The following CLNK variants were observed in gnomAD, a reference collection of about 807,000 sequenced individuals.
The protein encoded by CLNK is cytokine-dependent hematopoietic cell linker.
CLNK carries 74 observed loss-of-function variants against 68.6 expected under a neutral mutation model. The observed-to-expected ratio is 1.08, with a 90% CI of 0.89 to 1.31. The LOEUF (loss-of-function observed/expected upper bound fraction) is 1.31. Ranked by LOEUF, CLNK falls within the 50% of genes most tolerant of loss-of-function variation. CLNK has a pLI of 0.00. For missense variants in CLNK, 553 were observed against 515.3 expected, an observed-to-expected ratio of 1.07 and a Z score of -0.71; for synonymous variants, 198 against 172.2, an observed-to-expected ratio of 1.15 and a Z score of -1.17.
At chr4:10,516,520 A>G (rs1180086433) in intron 15 of CLNK, among the ~76,000 whole-genome samples, 3 of 151,750 alleles carry the variant, frequency 2.0e-5, no homozygotes, top group Admixed American at 2.0e-4. Context: ...ATACACTGGC[A>G]ATTTTATTCT....
At chr4:10,603,896 T>A (rs1721688348) in intron 2 of CLNK, among the ~76,000 whole-genome samples, 1 of 152,014 alleles carries the variant, frequency 6.6e-6, no homozygotes, top group Non-Finnish European at 1.5e-5. Flanking sequence ...ATTTAGTGAG[T>A]TTGAGGATCC....
At chr4:10,720,860 T>C in the CLNK span, among the ~76,000 whole-genome samples, 2 of 151,616 alleles carry the variant, frequency 1.3e-5, no homozygotes, top group African/African-American at 4.8e-5. Context: ...TGAAAGCTTA[T>C]GTTCACACAA....
intron 1 of CLNK, among the ~76,000 whole-genome samples, chr4:10,672,730 G>A (rs1055374567): frequency 1.3e-5 from 2 of 152,166 alleles, no homozygotes. Context: ...GCCCAGGTAT[G>A]GACATTGTCT....
At chr4:10,615,134 C>T (rs1389758541) in intron 2 of CLNK, among the ~76,000 whole-genome samples, 25 of 151,880 alleles carry the variant, frequency 1.6e-4, no homozygotes, top group Non-Finnish European at 2.9e-5. Context: ...CGGCAGTGAC[C>T]CGAGTTTGTG....
intron 12 of CLNK, among the ~76,000 whole-genome samples, chr4:10,530,716 C>T (rs1276345385): frequency 1.3e-5 from 2 of 152,168 alleles, no homozygotes; most frequent in East Asian, 1.9e-4. Flanking sequence ...TCATCGTCAT[C>T]GTGAGCAGCA....
the CLNK span, among the ~76,000 whole-genome samples, chr4:10,716,686 CT>C: frequency 5.2e-3 from 688 of 132,816 alleles, 2 homozygotes; most frequent in African/African-American, 9.6e-3. Context: ...AGACAGAAAA[CT>C]TTTTTTTTTT....
At chr4:10,623,842 C>T (rs1452320330) in intron 2 of CLNK, among the ~76,000 whole-genome samples, 1 of 152,216 alleles carries the variant, frequency 6.6e-6, no homozygotes, top group Admixed American at 6.5e-5. Flanking sequence ...AGAAAACCTT[C>T]TGTGGAACTC....
intron 18 of CLNK, among the ~76,000 whole-genome samples, chr4:10,497,737 A>C (rs1388836471): frequency 2.0e-5 from 3 of 152,352 alleles, no homozygotes; most frequent in African/African-American, 7.2e-5. Flanking sequence ...CCAGTAAATG[A>C]TGTTCATTAA....
At chr4:10,655,767 A>G (rs1187145339) in intron 2 of CLNK, among the ~76,000 whole-genome samples, 1 of 145,498 alleles carries the variant, frequency 6.9e-6, no homozygotes, top group Non-Finnish European at 1.5e-5. Context: ...CTCCTGCCTC[A>G]GCCTCCTGAG....
intron 2 of CLNK, among the ~76,000 whole-genome samples, chr4:10,655,968 A>G (rs1289645828): frequency 6.6e-6 from 1 of 151,970 alleles, no homozygotes; most frequent in Non-Finnish European, 1.5e-5. Context: ...TTTAATATAT[A>G]GAGCCGGGTA....
At chr4:10,718,376 A>C in the CLNK span, among the ~76,000 whole-genome samples, 1 of 152,202 alleles carries the variant, frequency 6.6e-6, no homozygotes, top group African/African-American at 2.4e-5. Context: ...AAGACAAAGA[A>C]AAAATCTTGA....
chr4:10,654,389 A>ATATATATATTTATATATTTATATT (rs1553863421), intron 2 of CLNK, among the ~76,000 whole-genome samples: 2 of 133,388 alleles, frequency 1.5e-5, no homozygotes, highest in East Asian at 2.1e-4. Context: ...GATTAAATAT[A>ATATATATATTTATATATTTATATT]TATATATATA....
At chr4:10,699,268 C>CACACACACCATGTATGTGTGTAT in the CLNK span, among the ~76,000 whole-genome samples, 5 of 32,418 alleles carry the variant, frequency 1.5e-4, 1 homozygote, top group African/African-American at 3.3e-4. Flanking sequence ...TGTGTATACA[C>CACACACACCATGTATGTGTGTAT]ACACACACAC....
In CLNK at chr4:10,567,200, C is replaced by T. The variant is rs527939165; in HGVS notation, c.151-1050G>A. Among the ~76,000 whole-genome samples, 29 of 149,674 alleles carry T rather than the reference C, an allele frequency of 1.9e-4. 1 individual carries two copies. Among genetic ancestry groups the T allele is most frequent in the Admixed American group, 1.6e-3 (24 of 15,068 alleles). On this transcript the variant is annotated intron_variant, in intron 5 of 18. Transcript: ENST00000226951. ...TATTTCAAAAGTTACTACATAGATGCAGTAATCAAGACAATGTGGTATTGG... is the reference window on the plus strand; with the variant it reads ...TATTTCAAAAGTTACTACATAGATGTAGTAATCAAGACAATGTGGTATTGG...
At chr4:10,659,560 A>C (rs921449920) in intron 2 of CLNK, among the ~76,000 whole-genome samples, 4 of 152,218 alleles carry the variant, frequency 2.6e-5, no homozygotes, top group Admixed American at 2.6e-4. Flanking sequence ...TGACTTTATC[A>C]TCTCCTTTCA....
chr4:10,657,767 G>A (rs1388322878), intron 2 of CLNK, among the ~76,000 whole-genome samples: 2 of 152,196 alleles, frequency 1.3e-5, no homozygotes, highest in Admixed American at 6.5e-5. Context: ...AAAATTGTCA[G>A]CCAGATTCAG....
In CLNK at chr4:10,628,621, C is replaced by T. The variant is rs75538801; in HGVS notation, c.12-30572G>A. On this transcript the variant is annotated intron_variant, in intron 2 of 18. Coordinates refer to ENST00000226951, the MANE Select transcript of CLNK (RefSeq NM_052964.4). Reference sequence around the variant, plus strand: ...GGGCTCAACTTCTCATTCCCTGGGACGAACTGTGCACAGTAGCCTCTGCTC... The same window carrying T: ...GGGCTCAACTTCTCATTCCCTGGGATGAACTGTGCACAGTAGCCTCTGCTC... 2.4e-3 allele frequency among the ~76,000 whole-genome samples: 358 copies of T among 152,266 alleles called. 4 individuals carry two copies. The East Asian group carries it at 0.059, about 25-fold the overall frequency.
At position 10,540,738 on chromosome 4, in the gene CLNK, C is replaced by A; in HGVS notation, c.492-134G>T. 6.3e-6 allele frequency: 4 copies of A among 637,182 alleles called. No individual in the cohort carries two copies. In the East Asian group the frequency reaches 8.2e-5, roughly 13 times the overall value. 39.5% of individuals were successfully genotyped at this position (637,182 alleles called of 1,614,324 possible). ...AATGCTAGTTTTTGGATGCTAACTG[C>A]GGAGCAGACCGATCTGGTCTGGCAC... On this transcript the variant is annotated intron_variant, in intron 10 of 18. Coordinates refer to ENST00000226951, the MANE Select transcript of CLNK (RefSeq NM_052964.4).
At chr4:10,669,113 G>A (rs1425946266) in intron 1 of CLNK, among the ~76,000 whole-genome samples, 1 of 152,098 alleles carries the variant, frequency 6.6e-6, no homozygotes, top group Non-Finnish European at 1.5e-5. Context: ...GGCATTTTTA[G>A]TATATTCTGC....
Sources: allele counts gnomAD v4.1 joint callset (sites outside exome capture counted in the v4.1 genomes callset), GRCh38; gene constraint gnomAD v4.1.1; transcripts MANE v1.5; gene names NCBI Gene and HGNC (gene_info 2026-07-23, HGNC 2026-07-21).